The following BCR variants were observed in gnomAD, a reference collection of about 807,000 sequenced individuals.
BCR encodes the protein BCR activator of RhoGEF and GTPase.
In BCR, 58 loss-of-function variants were observed where a neutral mutation model predicts 138.6. The ratio of observed to expected loss-of-function variants is 0.42; its 90% CI spans 0.34 to 0.52. The LOEUF (loss-of-function observed/expected upper bound fraction) is 0.52. Ranked by LOEUF, BCR falls within the 20% of genes least tolerant of loss-of-function variation. The probability of loss-of-function intolerance (pLI) is 0.06; values close to 1 mark genes in which losing one functional copy is unlikely to be tolerated. For synonymous variants in BCR, 786 were observed against 730.1 expected (o/e 1.08, Z -1.23); for missense variants, 1,599 against 1,727.2 (o/e 0.93, Z 1.32).
intron 1 of BCR, among the ~76,000 whole-genome samples, chr22:23,220,618 A>G (rs1405135592): frequency 6.6e-6 from 1 of 152,122 alleles, no homozygotes; most frequent in East Asian, 1.9e-4. Flanking sequence ...AGCTCAGCTC[A>G]CTTCCTCTTA....
At chr22:23,288,557 A>C (rs537467833) in intron 12 of BCR, among the ~76,000 whole-genome samples, 9 of 121,046 alleles carry the variant, frequency 7.4e-5, no homozygotes, top group Admixed American at 1.6e-4. Flanking sequence ...CCCTGCCACC[A>C]CCCCATTTTC....
intron 4 of BCR, chr22:23,263,942 C>A: frequency 1.1e-6 from 1 of 929,626 alleles, no homozygotes; most frequent in Non-Finnish European, 1.8e-6. Context: ...CCCTGAAAAT[C>A]TGGGACCTCA....
At position 23,285,315 on chromosome 22, in the gene BCR, T is replaced by C. The variant is rs894633522; in HGVS notation, c.2406+114T>C. Reference sequence around the variant, plus strand: ...GCCTCTGGGCCCCAGGTCTGGTCTCTGGGACCCCTGTAAGCTCTCAGCTCT... The same window carrying C: ...GCCTCTGGGCCCCAGGTCTGGTCTCCGGGACCCCTGTAAGCTCTCAGCTCT... On this transcript the variant is annotated intron_variant, in intron 10 of 22. Coordinates refer to ENST00000305877, the MANE Select transcript of BCR (RefSeq NM_004327.4). 2.6e-6 allele frequency: 3 copies of C among 1,175,088 alleles called. No homozygotes were observed. In the African/African-American group the frequency reaches 4.6e-5, roughly 18 times the overall value. The allele number at this position is 1,175,088 out of a possible 1,614,324, so 72.8% of individuals were successfully genotyped here. A position where few individuals can be genotyped will look rare whatever the true frequency, so the allele number is the denominator to read the frequency against.
intron 16 of BCR, among the ~76,000 whole-genome samples, chr22:23,304,631 A>G (rs895830062): frequency 1.3e-5 from 2 of 152,058 alleles, no homozygotes; most frequent in Admixed American, 6.5e-5. Context: ...CAAGGTGACT[A>G]TTTGGGGAAC....
chr22:23,199,472 G>A (rs2072523865), intron 1 of BCR: 1 of 382,660 alleles, frequency 2.6e-6, no homozygotes, highest in Admixed American at 3.1e-5. Flanking sequence ...GAGGTGCTTT[G>A]TTTTCACTCC....
intron 4 of BCR, among the ~76,000 whole-genome samples, chr22:23,262,517 T>G (rs1008568506): frequency 1.3e-5 from 2 of 152,222 alleles, no homozygotes; most frequent in East Asian, 3.9e-4. Flanking sequence ...GGAGGCTGTA[T>G]TTTGATACAT....
intron 1 of BCR, among the ~76,000 whole-genome samples, chr22:23,205,432 A>G (rs2072600593): frequency 6.6e-6 from 1 of 152,190 alleles, no homozygotes; most frequent in Non-Finnish European, 1.5e-5. Flanking sequence ...GAAGGCTTGC[A>G]GGAGAGACAG....
chr22:23,213,013 T>A (rs2072704883), intron 1 of BCR, among the ~76,000 whole-genome samples: 1 of 152,192 alleles, frequency 6.6e-6, no homozygotes, highest in Non-Finnish European at 1.5e-5. Flanking sequence ...ATGGGCATTC[T>A]CTCTAATTTG....
At chr22:23,260,749 C>A (rs2073347038) in intron 2 of BCR, 2 of 559,390 alleles carry the variant, frequency 3.6e-6, no homozygotes, top group Admixed American at 5.7e-5. Flanking sequence ...TGACCCCCCT[C>A]CCCGGGATTC....
chr22:23,213,051 G>C (rs764949224), intron 1 of BCR, among the ~76,000 whole-genome samples: 9 of 152,202 alleles, frequency 5.9e-5, no homozygotes, highest in Non-Finnish European at 1.3e-4. Flanking sequence ...CTCACGGAGT[G>C]CTGCTCCTGG....
chr22:23,255,677 G>A (rs2073286027), intron 2 of BCR, among the ~76,000 whole-genome samples: 1 of 152,160 alleles, frequency 6.6e-6, no homozygotes, highest in Admixed American at 6.5e-5. Flanking sequence ...GTCCGGGGGT[G>A]GGGGCCTCCC....
intron 1 of BCR, among the ~76,000 whole-genome samples, chr22:23,225,817 C>T (rs1387946447): frequency 6.6e-6 from 1 of 152,230 alleles, no homozygotes; most frequent in African/African-American, 2.4e-5. Flanking sequence ...GTCAGGGAGC[C>T]TGGGGGCCAG....
intron 16 of BCR, among the ~76,000 whole-genome samples, chr22:23,297,207 G>GTTTTTTTTTTTTTTTTTTTTTT (rs1307353327): frequency 2.1e-5 from 2 of 97,382 alleles, no homozygotes; most frequent in Non-Finnish European, 4.0e-5. Flanking sequence ...TGGCTAAGTT[G>GTTTTTTTTTTTTTTTTTTTTTT]TTTTTTGTTT....
intron 2 of BCR, among the ~76,000 whole-genome samples, chr22:23,258,164 A>C (rs2073316533): frequency 1.3e-5 from 2 of 152,184 alleles, no homozygotes; most frequent in Non-Finnish European, 2.9e-5. Context: ...ATATATATAC[A>C]CACATATACA....
At chr22:23,299,198 G>A (rs1409606381) in intron 16 of BCR, among the ~76,000 whole-genome samples, 2 of 151,864 alleles carry the variant, frequency 1.3e-5, no homozygotes, top group Non-Finnish European at 2.9e-5. Flanking sequence ...GGGTTTCACC[G>A]TGGTCTCGAT....
chr22:23,256,790 G>A (rs1392624521), intron 2 of BCR, among the ~76,000 whole-genome samples: 1 of 152,160 alleles, frequency 6.6e-6, no homozygotes, highest in East Asian at 1.9e-4. Flanking sequence ...GGGCCTGGTA[G>A]CCAGCTGACA....
At chr22:23,244,185 G>A (rs551593688) in intron 1 of BCR, among the ~76,000 whole-genome samples, 1 of 152,206 alleles carries the variant, frequency 6.6e-6, no homozygotes, top group South Asian at 2.1e-4. Context: ...GGATTGCCTG[G>A]TGAAAGGAGA....
intron 14 of BCR, 108 bp downstream of exon 14, chr22:23,290,521 C>G: frequency 9.0e-7 from 1 of 1,109,508 alleles, no homozygotes; most frequent in Non-Finnish European, 1.4e-6. Flanking sequence ...TTCAGATGAC[C>G]ACGGGACACC....
At chr22:23,288,955 C>T (rs1288585783) in intron 12 of BCR, among the ~76,000 whole-genome samples, 1 of 152,206 alleles carries the variant, frequency 6.6e-6, no homozygotes, top group African/African-American at 2.4e-5. Context: ...TGCAGAGCCA[C>T]CTCTCGGCCC....
Sources: allele counts gnomAD v4.1 joint callset (sites outside exome capture counted in the v4.1 genomes callset), GRCh38; gene constraint gnomAD v4.1.1; transcripts MANE v1.5; gene names NCBI Gene and HGNC (gene_info 2026-07-23, HGNC 2026-07-21).